CADPS: variants seen among roughly 807,000 people sequenced by gnomAD.
The protein encoded by CADPS is calcium dependent secretion activator, also known as calcium-dependent secretion activator 1.
In CADPS, 57 loss-of-function variants were observed where a neutral mutation model predicts 167.3. The ratio of observed to expected loss-of-function variants is 0.34; its 90% CI spans 0.28 to 0.42. CADPS has a LOEUF of 0.42. Among genes scored for constraint, CADPS ranks in the 20% least tolerant of loss-of-function variants. CADPS has a pLI of 1.00. For synonymous variants in CADPS, 676 were observed against 635.3 expected (o/e 1.06, Z -0.96); for missense variants, 1,414 against 1,738.1 (o/e 0.81, Z 3.32).
chr3:62,822,599 T>C (rs1179852604), intron 1 of CADPS, among the ~76,000 whole-genome samples: 1 of 152,170 alleles, frequency 6.6e-6, no homozygotes, highest in Non-Finnish European at 1.5e-5. Flanking sequence ...CCCAACACTT[T>C]GGGAGGCCGA....
chr3:62,852,836 A>G (rs1291370495), intron 1 of CADPS, among the ~76,000 whole-genome samples: 2 of 152,208 alleles, frequency 1.3e-5, no homozygotes, highest in Non-Finnish European at 2.9e-5. Flanking sequence ...TTCATATCTG[A>G]GTTATCTATT....
rs960785821 is a variant in CADPS, at chr3:62,446,283, G to A, written c.3637-486C>T. Among the ~76,000 whole-genome samples, 4 of 152,164 alleles carry A rather than the reference G, an allele frequency of 2.6e-5. No individual in the cohort carries two copies. The highest frequency in any genetic ancestry group is 4.8e-5 in the African/African-American group (2 of 41,436). ...CATCCTCAACCCAGAGGGAGATGGTGTCTGCGGGTAGGGGGATGAGAACCT... is the reference window on the plus strand; with the variant it reads ...CATCCTCAACCCAGAGGGAGATGGTATCTGCGGGTAGGGGGATGAGAACCT... On this transcript the variant is annotated intron_variant, in intron 26 of 29. Transcript: ENST00000383710. This position sits in a 1 kb window ranked among gnomAD's most constrained non-coding sequence, Gnocchi z 4.9.
At chr3:62,426,941 G>T (rs1469341739) in intron 28 of CADPS, among the ~76,000 whole-genome samples, 1 of 151,822 alleles carries the variant, frequency 6.6e-6, no homozygotes, top group East Asian at 1.9e-4. Flanking sequence ...TGGGCATGGT[G>T]GCAGGCGCCT....
Position 62,867,425 on chromosome 3 carries a change from T to A in CADPS, c.441+7164A>T, listed in dbSNP as rs150357034. Among the ~76,000 whole-genome samples, 21 of 152,238 alleles carry A rather than the reference T, an allele frequency of 1.4e-4. No individual in the cohort carries two copies. The East Asian group carries it at 3.3e-3, about 24-fold the overall frequency. Reference sequence around the variant, plus strand: ...TTTAAAATATCTCCTATGAATTCTATCCATGTTACTTTTGTTCAAAGTGAG... The same window carrying A: ...TTTAAAATATCTCCTATGAATTCTAACCATGTTACTTTTGTTCAAAGTGAG... On this transcript the variant is annotated intron_variant, in intron 1 of 29. Transcript: ENST00000383710.
chr3:62,786,927 G>A (rs921500479), intron 1 of CADPS, among the ~76,000 whole-genome samples: 3 of 152,164 alleles, frequency 2.0e-5, no homozygotes, highest in African/African-American at 7.2e-5. Flanking sequence ...GTGCAGCCAA[G>A]CAATGCCTGT....
Position 62,514,615 on chromosome 3 carries a change from G to C in CADPS, c.2581+1444C>G, listed in dbSNP as rs527952156. Reference sequence around the variant, plus strand: ...GGAAATGAATGCATTTTTACTTACAGATCTTAAAGTTTGTTTTTGGATAGA... The same window carrying C: ...GGAAATGAATGCATTTTTACTTACACATCTTAAAGTTTGTTTTTGGATAGA... On this transcript the variant is annotated intron_variant, in intron 16 of 29. Transcript: ENST00000383710. This position sits in a 1 kb window ranked among gnomAD's most constrained non-coding sequence, Gnocchi z 4.2. Among the ~76,000 whole-genome samples, 398 of 152,226 alleles carry C rather than the reference G, an allele frequency of 2.6e-3. No homozygotes were observed. Among genetic ancestry groups the C allele is most frequent in the Non-Finnish European group, 4.6e-3 (315 of 67,986 alleles).
rs55973545 is a variant in CADPS, at chr3:62,446,408, T to G, written c.3637-611A>C. On this transcript the variant is annotated intron_variant, in intron 26 of 29. Coordinates refer to ENST00000383710, the MANE Select transcript of CADPS (RefSeq NM_003716.4). The surrounding 1 kb of genome is among the most constrained non-coding windows in gnomAD (Gnocchi z 4.9). ...AGTGGTTATAAAATTTTTAGTTTTG[T>G]GGGGAGGGAGTATGGTAGCGTGCTA... is the stretch of plus-strand genomic sequence containing the variant. Among the ~76,000 whole-genome samples the G allele has an allele frequency of 0.13, 20,405 of 151,998 alleles. 1,479 individuals are homozygous for G. Among genetic ancestry groups the G allele is most frequent in the African/African-American group, 0.16 (6,704 of 41,450 alleles).
chr3:62,834,893 C>T (rs2075675460), intron 1 of CADPS, among the ~76,000 whole-genome samples: 1 of 152,120 alleles, frequency 6.6e-6, no homozygotes, highest in Non-Finnish European at 1.5e-5. Context: ...AATTACAATT[C>T]TTACACAAAT....
At chr3:62,431,047 T>C (rs1021663866) in intron 28 of CADPS, among the ~76,000 whole-genome samples, 1 of 150,384 alleles carries the variant, frequency 6.6e-6, no homozygotes, top group African/African-American at 2.5e-5. Context: ...AGCTTCATAA[T>C]TGAGGATAGA....
intron 3 of CADPS, among the ~76,000 whole-genome samples, chr3:62,707,334 G>A (rs541448195): frequency 2.6e-5 from 4 of 152,168 alleles, no homozygotes; most frequent in Non-Finnish European, 4.4e-5. Context: ...CTGCAACCCC[G>A]GGTCTGTGAA....
chr3:62,479,787 T>A (rs1314236757), intron 22 of CADPS, among the ~76,000 whole-genome samples: 1 of 152,196 alleles, frequency 6.6e-6, no homozygotes, highest in South Asian at 2.1e-4. Flanking sequence ...GGTGGGTGAT[T>A]GAGAATCCAC....
chr3:62,749,976 T>C (rs377681926), intron 3 of CADPS, among the ~76,000 whole-genome samples: 13 of 152,194 alleles, frequency 8.5e-5, no homozygotes, highest in African/African-American at 2.2e-4. Flanking sequence ...GGTTTCACTT[T>C]AATGCATATT....
intron 6 of CADPS, chr3:62,626,408 A>C (rs558340597): frequency 6.1e-6 from 4 of 657,272 alleles, no homozygotes; most frequent in Non-Finnish European, 1.1e-5. Flanking sequence ...AGTGTAAACC[A>C]GGGAAATACA....
intron 6 of CADPS, among the ~76,000 whole-genome samples, chr3:62,636,048 G>C (rs1235363691): frequency 6.6e-6 from 1 of 152,104 alleles, no homozygotes; most frequent in African/African-American, 2.4e-5. Context: ...GATGGTCTGT[G>C]CTGTTTTCCT....
At chr3:62,867,617 G>T (rs1316430186) in intron 1 of CADPS, among the ~76,000 whole-genome samples, 3 of 151,976 alleles carry the variant, frequency 2.0e-5, no homozygotes, top group Admixed American at 2.0e-4. Flanking sequence ...TTGCATTTTA[G>T]TTCACCAAAC....
At chr3:62,692,461 A>G (rs1437271742) in intron 3 of CADPS, among the ~76,000 whole-genome samples, 2 of 152,038 alleles carry the variant, frequency 1.3e-5, no homozygotes, top group Non-Finnish European at 2.9e-5. Flanking sequence ...GCTCACCACA[A>G]CTACCATTTG....
At chr3:62,855,595 A>G (rs978759699) in intron 1 of CADPS, among the ~76,000 whole-genome samples, 1 of 152,198 alleles carries the variant, frequency 6.6e-6, no homozygotes, top group Non-Finnish European at 1.5e-5. Flanking sequence ...CAAGCAATAA[A>G]TATTTTTTAA....
At chr3:62,462,631 A>G (rs1016301622) in intron 26 of CADPS, among the ~76,000 whole-genome samples, 5 of 152,208 alleles carry the variant, frequency 3.3e-5, no homozygotes, top group African/African-American at 1.2e-4. Flanking sequence ...TGAATCAGAA[A>G]TGGGAGTGGA....
intron 23 of CADPS, 29 bp from the exon 24 acceptor site, chr3:62,474,349 T>C: frequency 6.2e-7 from 1 of 1,609,860 alleles, no homozygotes; most frequent in East Asian, 2.2e-5. Flanking sequence ...AAAAGACCAA[T>C]TCAGCGTTCA....
Sources: gnomAD v4.1 joint callset for allele counts (sites outside exome capture counted in the v4.1 genomes callset) on GRCh38, gnomAD v4.1.1 for gene constraint, Gnocchi (gnomAD v3.1) non-coding constraint, MANE v1.5 for transcripts, NCBI Gene and HGNC (gene_info 2026-07-23, HGNC 2026-07-21) for gene names.